The following SARAF variants were observed in gnomAD, a reference collection of about 807,000 sequenced individuals.
The protein encoded by SARAF is store-operated calcium entry associated regulatory factor.
In SARAF, 23 loss-of-function variants were observed where a neutral mutation model predicts 39.7. The ratio of observed to expected loss-of-function variants is 0.58; its 90% confidence interval spans 0.42 to 0.82. SARAF has a LOEUF of 0.82. SARAF is among the 40% of genes least tolerant of loss of function. The pLI, the probability that SARAF is intolerant of heterozygous loss-of-function variation, is 0.00. For missense variants in SARAF, 384 were observed against 418.5 expected (o/e 0.92, Z 0.72); for synonymous variants, 175 against 168.5 (o/e 1.04, Z -0.30).
rs752776657 is a variant in SARAF at position 30,066,089 on chromosome 8, G to T, written c.893C>A (p.Ser298Tyr). 10 of 1,614,064 alleles carry T rather than the reference G, an allele frequency of 6.2e-6. No individual in the cohort carries two copies. The highest frequency in any genetic ancestry group is 5.3e-5 in the African/African-American group (4 of 74,918). Residue 298 changes from serine (S) to tyrosine (Y), a missense_variant, in exon 5 of 6, where the codon TCC becomes TAC. Coordinates refer to ENST00000256255, the MANE Select transcript of SARAF (RefSeq NM_016127.6). ...DSWYYPSYPP[S>Y]YPGTWNRAYS... ...AGCCCTATTCCACGTGCCAGGGTAGGAGGGAGGATAGGACGGGTAGTACCA... is the reference window on the plus strand; with the variant it reads ...AGCCCTATTCCACGTGCCAGGGTAGTAGGGAGGATAGGACGGGTAGTACCA...
At chr8:30,081,804 T>C (rs1802105423) in intron 1 of SARAF, among the ~76,000 whole-genome samples, 1 of 151,972 alleles carries the variant, frequency 6.6e-6, no homozygotes, top group Admixed American at 6.6e-5. Flanking sequence ...TCAAAATCTG[T>C]ATCTAAGTAT....
chr8:30,078,654 G>A (rs979363881), intron 1 of SARAF, among the ~76,000 whole-genome samples: 1 of 152,052 alleles, frequency 6.6e-6, no homozygotes, highest in Non-Finnish European at 1.5e-5. Flanking sequence ...TTTCCCACAA[G>A]TATTTAATAT....
chr8:30,070,186 G>A (rs930120576), intron 2 of SARAF, 127 bp from the exon 3 acceptor site: 1 of 792,184 alleles, frequency 1.3e-6, no homozygotes, highest in Non-Finnish European at 2.0e-6. Context: ...AAGGCGGGTG[G>A]ATCACGCGGT....
intron 1 of SARAF, among the ~76,000 whole-genome samples, chr8:30,075,599 A>T (rs1801940066): frequency 6.6e-6 from 1 of 152,088 alleles, no homozygotes; most frequent in Non-Finnish European, 1.5e-5. Flanking sequence ...AGGCATGGAG[A>T]CCATGAGTTT....
Position 30,063,641 on chromosome 8 carries a change from A to C in SARAF, c.*247T>G, listed in dbSNP as rs1801605928. On this transcript the variant is annotated 3_prime_UTR_variant, in exon 6 of 6. Coordinates refer to ENST00000256255, the MANE Select transcript of SARAF (RefSeq NM_016127.6). ...AATGTATTTTTAGCATTCCACAGTA[A>C]TGATCACTTTCAAAAACTGCAATAT... 2 of 540,496 alleles carry C rather than the reference A, an allele frequency of 3.7e-6. No individual in the cohort carries two copies. The highest frequency in any genetic ancestry group is 6.5e-6 in the Non-Finnish European group (2 of 306,340). The allele number at this position is 540,496 out of a possible 1,614,324, so 33.5% of individuals were successfully genotyped here.
At chr8:30,080,940 G>C (rs1331354256) in intron 1 of SARAF, among the ~76,000 whole-genome samples, 1 of 152,178 alleles carries the variant, frequency 6.6e-6, no homozygotes, top group Non-Finnish European at 1.5e-5. Flanking sequence ...GGGAGTTCAA[G>C]ACCAGCCTGA....
intron 3 of SARAF, among the ~76,000 whole-genome samples, chr8:30,068,765 A>T (rs1801753850): frequency 6.6e-6 from 1 of 151,910 alleles, no homozygotes; most frequent in Admixed American, 6.6e-5. Flanking sequence ...AATACATTTT[A>T]TATATATATA....
chr8:30,071,598 T>C lies in SARAF; in HGVS notation c.283-1539A>G, dbSNP rs150363187. On this transcript the variant is annotated intron_variant, in intron 2 of 5. Coordinates refer to ENST00000256255, the MANE Select transcript of SARAF (RefSeq NM_016127.6). The stretch of plus-strand genomic sequence containing the variant: ...ATATTTTCGTCACCCCAAAGAAATA[T>C]TGTGCCCATTAGCAGTCACTCTCCA... 3.7e-3 allele frequency among the ~76,000 whole-genome samples: 564 copies of C among 152,346 alleles called. 4 individuals are homozygous for C. Among genetic ancestry groups the C allele is most frequent in the Middle Eastern group, 0.024 (7 of 294 alleles).
At chr8:30,066,179 T>G in intron 4 of SARAF, 40 bp from the exon 5 acceptor site, 1 of 1,552,922 alleles carries the variant, frequency 6.4e-7, no homozygotes, top group Non-Finnish European at 8.7e-7. Context: ...TTTTTTCTTG[T>G]GGCTATAATT....
At position 30,063,503 on chromosome 8, in the gene SARAF, G is replaced by T. The variant is rs1056207221; in HGVS notation, c.*385C>A. 2 of 227,220 alleles carry T rather than the reference G, an allele frequency of 8.8e-6. No homozygotes were observed. Among genetic ancestry groups the T allele is most frequent in the Non-Finnish European group, 1.7e-5 (2 of 115,626 alleles). The allele number at this position is 227,220 out of a possible 1,614,324, so 14.1% of individuals were successfully genotyped here. On this transcript the variant is annotated 3_prime_UTR_variant, in exon 6 of 6. Transcript: ENST00000256255. ...AATAGAATATTATAGTCTCTATGAG[G>T]TAATAACTCATCAGCTACAACCACC...
At chr8:30,078,384 A>G (rs1802023499) in intron 1 of SARAF, 1 of 310,846 alleles carries the variant, frequency 3.2e-6, no homozygotes, top group Non-Finnish European at 6.3e-6. Context: ...TGAGAAACAG[A>G]CCACACAAAG....
intron 5 of SARAF, 90 bp downstream of exon 5, chr8:30,065,898 G>A (rs758999488): frequency 1.4e-6 from 2 of 1,473,996 alleles, no homozygotes; most frequent in Non-Finnish European, 9.4e-7. Context: ...TAAAACCATG[G>A]TTGCTAAACA....
intron 3 of SARAF, among the ~76,000 whole-genome samples, chr8:30,068,728 C>G (rs1296890151): frequency 1.3e-5 from 2 of 152,092 alleles, no homozygotes; most frequent in South Asian, 4.1e-4. Context: ...CTCAGATTTA[C>G]AGGAGTTCAT....
Position 30,066,150 on chromosome 8 carries a change from A to C in SARAF, c.843-11T>G, listed in dbSNP as rs753872131. 2 of 1,569,480 alleles carry C rather than the reference A, an allele frequency of 1.3e-6. No homozygotes were observed. Among genetic ancestry groups the C allele is most frequent in the Non-Finnish European group, 1.7e-6 (2 of 1,148,214 alleles). ...AAGGGTGTTGCCGCTCTTTAAAGGG[A>C]TAAAAGTAGGTTAGGCATTTTTTTC... is the stretch of plus-strand genomic sequence containing the variant. On this transcript the variant is annotated splice_polypyrimidine_tract_variant and intron_variant, in intron 4 of 5. Transcript: ENST00000256255.
intron 4 of SARAF, 46 bp from the exon 5 acceptor site, chr8:30,066,185 T>C (rs1286221200): frequency 6.4e-7 from 1 of 1,554,668 alleles, no homozygotes; most frequent in Non-Finnish European, 8.7e-7. Context: ...CTTGTGGCTA[T>C]AATTTTTAAA....
chr8:30,074,187 T>A, intron 1 of SARAF, 132 bp from the exon 2 acceptor site: 1 of 987,138 alleles, frequency 1.0e-6, no homozygotes, highest in Non-Finnish European at 1.4e-6. Context: ...AGGATGAATC[T>A]ATTTCTCAAA....
At chr8:30,078,955 G>GAGATCAGGAGTTCT (rs1802037467) in intron 1 of SARAF, among the ~76,000 whole-genome samples, 1 of 151,954 alleles carries the variant, frequency 6.6e-6, no homozygotes, top group Admixed American at 6.6e-5. Flanking sequence ...TCAGGAGTTC[G>GAGATCAGGAGTTCT]AGATCAGCCT....
At chr8:30,081,691 T>C (rs907413096) in intron 1 of SARAF, among the ~76,000 whole-genome samples, 3 of 151,744 alleles carry the variant, frequency 2.0e-5, no homozygotes, top group African/African-American at 4.8e-5. Context: ...ATGCTTTCCA[T>C]GCCATCTTTA....
chr8:30,070,870 T>C (rs1051211660), intron 2 of SARAF, among the ~76,000 whole-genome samples: 19 of 152,178 alleles, frequency 1.2e-4, no homozygotes, highest in African/African-American at 4.1e-4. Context: ...ATGGACTAAC[T>C]TTCCAAGGTC....
Sources: gnomAD v4.1 joint callset for allele counts (sites outside exome capture counted in the v4.1 genomes callset) on GRCh38, gnomAD v4.1.1 for gene constraint, MANE v1.5 for transcripts, NCBI Gene and HGNC (gene_info 2026-07-23, HGNC 2026-07-21) for gene names.